NOS3: variants seen among roughly 807,000 people sequenced by gnomAD.
NOS3 encodes NOS type III.
NOS3 carries 98 observed loss-of-function variants against 144.9 expected under a neutral mutation model. The observed-to-expected ratio is 0.68, with a 90% CI of 0.57 to 0.80. The LOEUF (loss-of-function observed/expected upper bound fraction) is 0.80. Ranked by LOEUF, NOS3 falls within the 30% of genes least tolerant of loss-of-function variation. The pLI is 0.00. For missense variants in NOS3, 1,465 were observed against 1,656.4 expected, an observed-to-expected ratio of 0.88 and a Z score of 2.01; for synonymous variants, 714 against 702.4, an observed-to-expected ratio of 1.02 and a Z score of -0.26.
chr7:151,001,149 TG>T (rs1795083468), intron 10 of NOS3, 81 bp from the exon 11 acceptor site: 1 of 1,425,854 alleles, frequency 7.0e-7, no homozygotes, highest in East Asian at 2.3e-5. Flanking sequence ...ACATGTGGTT[TG>T]GGGTGACCGG....
In NOS3 at chr7:151,000,498, G is replaced by A. The variant is rs774633148; in HGVS notation, c.1132G>A (p.Asp378Asn). ...CDPHRYNILE[D>N]VAVCMDLDTR... ...GATGCCACACACCCTTCTGCCCCAG[G>A]ATGTGGCTGTCTGCATGGACCTGGA... Residue 378 changes from aspartate to asparagine, a missense_variant and splice_region_variant, in exon 10 of 27, where the codon GAT becomes AAT. Asp to Asn is a conservative substitution (Grantham distance 23, BLOSUM62 1). This residue lies in a region of NOS3 where 745 missense variants were observed against 853.9 expected (regional missense o/e 0.87). Coordinates refer to ENST00000297494, the MANE Select transcript of NOS3 (RefSeq NM_000603.5). The A allele has an allele frequency of 6.2e-7, 1 of 1,605,472 alleles. No homozygotes were observed.
rs775074008 is a variant in NOS3, at chr7:151,001,356, G to T, written c.1359G>T (p.Ser453=). 5 of 1,612,972 alleles carry T rather than the reference G, an allele frequency of 3.1e-6. No homozygotes were observed. The Admixed American group carries it at 8.3e-5, about 27-fold the overall frequency. ...ADWAWIVPPI[S]GSLTPVFHQE... ...GGGCCTGGATCGTGCCCCCCATCTC[G>T]GGCAGCCTCACTCCTGTTTTCCATC... The change falls in exon 11 of 27, where the codon TCG becomes TCT. Residue 453 remains serine (S), a synonymous_variant. Coordinates refer to ENST00000297494, the MANE Select transcript of NOS3 (RefSeq NM_000603.5).
In NOS3 at chr7:150,995,284, C is replaced by T. The variant is rs555547256; in HGVS notation, c.240C>T (p.Thr80=). Residue 80 remains threonine (T), a synonymous_variant, in exon 3 of 27, where the codon ACC becomes ACT. Transcript: ENST00000297494. ...AGAACTGGGAGGTGGGGAGCATCAC[C>T]TATGACACCCTCAGCGCCCAGGCGC... is the stretch of plus-strand genomic sequence containing the variant. ...RVKNWEVGSI[T]YDTLSAQAQQ... is the part of the protein sequence containing the mutation. 1 of 1,611,354 alleles carries T rather than the reference C, an allele frequency of 6.2e-7. No homozygotes were observed. Among genetic ancestry groups the T allele is most frequent in the Non-Finnish European group, 8.5e-7 (1 of 1,178,916 alleles).
In NOS3 at chr7:151,009,200, G is replaced by A. The variant is rs745744386; in HGVS notation, c.2257G>A (p.Val753Met). 11 of 1,613,132 alleles carry A rather than the reference G, an allele frequency of 6.8e-6. No individual in the cohort carries two copies. Among genetic ancestry groups the A allele is most frequent in the South Asian group, 1.1e-5 (1 of 91,034 alleles). The change falls in exon 19 of 27, where the codon GTG (valine) becomes ATG (methionine). Residue 753 changes from valine (V) to methionine (M), a missense_variant. By Grantham distance (21) the Val-to-Met change is conservative. Around this residue, in one of 5 missense-constraint regions of NOS3, gnomAD observed 745 missense variants for 853.9 expected, o/e 0.87. Coordinates refer to ENST00000297494, the MANE Select transcript of NOS3 (RefSeq NM_000603.5). ...CTCCCCGCCCCCAGGTCTGATCCAC[G>A]TGCACAGGCGGAAGATGTTCCAGGC... ...GLQLLPGLIH[V>M]HRRKMFQATI...
In NOS3 at chr7:150,993,921, C is replaced by A; in HGVS notation, c.118C>A (p.Arg40=). Residue 40 remains arginine (R), a synonymous_variant, in exon 2 of 27, where the codon CGG becomes AGG. Transcript: ENST00000297494. This position sits in a 1 kb window ranked among gnomAD's most constrained non-coding sequence, Gnocchi z 4.0. ...AGCCACCCCGGCCCCTGAGCCCAGC[C>A]GGGCCCCAGCATCCCTACTCCCACC... The part of the protein sequence containing the change: ...GPATPAPEPS[R]APASLLPPAP... 4 of 1,580,824 alleles carry A rather than the reference C, an allele frequency of 2.5e-6. No individual in the cohort carries two copies. The highest frequency in any genetic ancestry group is 3.4e-6 in the Non-Finnish European group (4 of 1,165,260).
At position 150,998,341 on chromosome 7, in the gene NOS3, G is replaced by T. The variant is rs751802200; in HGVS notation, c.583-16G>T. ...TCTCTCCTCACCCTCCTCTCCCGCT[G>T]CCTCGGCTGGCTCAGGTGTTCGATG... On this transcript the variant is annotated splice_polypyrimidine_tract_variant and intron_variant, in intron 5 of 26. Coordinates refer to ENST00000297494, the MANE Select transcript of NOS3 (RefSeq NM_000603.5). This position sits in a 1 kb window ranked among gnomAD's most constrained non-coding sequence, Gnocchi z 5.0. The T allele has an allele frequency of 9.9e-6, 16 of 1,608,690 alleles. No individual in the cohort carries two copies. The highest frequency in any genetic ancestry group is 1.4e-5 in the Non-Finnish European group (16 of 1,178,394).
rs1800780 is a variant in NOS3 at position 151,001,791 on chromosome 7, A to G, written c.1503-30A>G. 0.55 allele frequency: 885,405 copies of G among 1,612,372 alleles called. 244,508 individuals carry two copies. Among genetic ancestry groups the G allele is most frequent in the Admixed American group, 0.67 (39,888 of 59,976 alleles). ...GGGGAGGCCCTGCCTCTGTGCACCC[A>G]GGACACCCTCACACCTTCCTCTCCC... On this transcript the variant is annotated intron_variant, in intron 12 of 26. Coordinates refer to ENST00000297494, the MANE Select transcript of NOS3 (RefSeq NM_000603.5).
Position 151,012,488 on chromosome 7 carries a change from A to G in NOS3, c.3106+16A>G. On this transcript the variant is annotated intron_variant, in intron 24 of 26. Transcript: ENST00000297494. ...GAGAGCAAAGGTGAGGCTGGGGACT[A>G]AAGGACTGCCTGAAGGGAGTCACAC... 6.2e-7 allele frequency: 1 copy of G among 1,609,690 alleles called. No homozygotes were observed. The highest frequency in any genetic ancestry group is 8.5e-7 in the Non-Finnish European group (1 of 1,177,398).
chr7:150,999,102 T>C lies in NOS3; in HGVS notation c.956+17T>C, dbSNP rs1487836534. The C allele has an allele frequency of 6.8e-6, 11 of 1,612,316 alleles. No individual in the cohort carries two copies. The highest frequency in any genetic ancestry group is 2.2e-5 in the East Asian group (1 of 44,862). ...GCACCCCACGTGAGCACCAAAGGGA[T>C]TGACTGGGTGGGATGGAGGGGGCCA... On this transcript the variant is annotated intron_variant, in intron 8 of 26. Coordinates refer to ENST00000297494, the MANE Select transcript of NOS3 (RefSeq NM_000603.5).
At chr7:151,013,596 G>C (rs3918209) in intron 25 of NOS3, 128 bp from the exon 26 acceptor site, 2 of 437,506 alleles carry the variant, frequency 4.6e-6, no homozygotes, top group South Asian at 3.4e-5. Context: ...TGTTGACACC[G>C]CCCCAGGGCA....
chr7:150,998,891 C>T lies in NOS3; in HGVS notation c.817-55C>T, dbSNP rs541931774. ...GCAGGAGACAGTGGATGGAGGGGTC[C>T]CTGAGGAGGGCATGAGGCTCAGCCC... On this transcript the variant is annotated intron_variant, in intron 7 of 26. Transcript: ENST00000297494. This position sits in a 1 kb window ranked among gnomAD's most constrained non-coding sequence, Gnocchi z 5.0. The T allele has an allele frequency of 5.7e-6, 9 of 1,570,092 alleles. No individual in the cohort carries two copies. In the South Asian group the frequency reaches 1.1e-4, roughly 18 times the overall value.
At chr7:151,006,360 G>C (rs1670477312) in intron 14 of NOS3, 67 bp from the exon 15 acceptor site, 1 of 1,143,054 alleles carries the variant, frequency 8.7e-7, no homozygotes, top group Admixed American at 1.9e-5. Context: ...AGCTGGTACA[G>C]TTTTAAACTT....
rs370755105 is a variant in NOS3, at chr7:151,001,920, C to T, written c.1602C>T (p.Tyr534=). 386 of 1,613,454 alleles carry T rather than the reference C, an allele frequency of 2.4e-4. No homozygotes were observed. The Middle Eastern group carries it at 4.3e-3, about 18-fold the overall frequency. The change falls in exon 13 of 27, where the codon TAC becomes TAT. Residue 534 remains tyrosine, a synonymous_variant. Coordinates refer to ENST00000297494, the MANE Select transcript of NOS3 (RefSeq NM_000603.5). ...CCGAGACCGGCCGGGCCCAGAGCTA[C>T]GCACAGCAGCTGGGGAGACTCTTCC... is the stretch of plus-strand genomic sequence containing the variant. ...YGSETGRAQS[Y]AQQLGRLFRK...
intron 21 of NOS3, 75 bp from the exon 22 acceptor site, chr7:151,010,522 T>A: frequency 1.4e-6 from 2 of 1,395,024 alleles, no homozygotes; most frequent in Non-Finnish European, 1.9e-6. Context: ...AGAGGCTCAG[T>A]GGGGGAGGGG....
At position 151,012,235 on chromosome 7, in the gene NOS3, T is replaced by A. The variant is rs113827615; in HGVS notation, c.2985-116T>A. On this transcript the variant is annotated intron_variant, in intron 23 of 26. Coordinates refer to ENST00000297494, the MANE Select transcript of NOS3 (RefSeq NM_000603.5). ...TGTTTTTTGTTTTTTGTTTTTTTTTTAATTTTTTTTTGAGATGGGAAGAAC... is the reference window on the plus strand; with the variant it reads ...TGTTTTTTGTTTTTTGTTTTTTTTTAAATTTTTTTTTGAGATGGGAAGAAC... The A allele has an allele frequency of 1.6e-3, 1,473 of 934,564 alleles. 12 individuals carry two copies. In the African/African-American group the frequency reaches 0.021, roughly 13 times the overall value. The allele number at this position is 934,564 out of a possible 1,614,324, so 57.9% of individuals were successfully genotyped here. A position where few individuals can be genotyped will look rare whatever the true frequency, so the allele number is the denominator to read the frequency against.
In NOS3 at chr7:151,010,578, C is replaced by T. The variant is rs1317930042; in HGVS notation, c.2686-19C>T. 1 of 1,547,500 alleles carries T rather than the reference C, an allele frequency of 6.5e-7. No homozygotes were observed. Among genetic ancestry groups the T allele is most frequent in the Non-Finnish European group, 8.7e-7 (1 of 1,144,962 alleles). On this transcript the variant is annotated intron_variant, in intron 21 of 26. Coordinates refer to ENST00000297494, the MANE Select transcript of NOS3 (RefSeq NM_000603.5). ...GAAGGGCTATGGGGCCTCCAACCCA[C>T]TGCATCCTGCCCCGCCAGGATCCCC... is the stretch of plus-strand genomic sequence containing the variant.
In NOS3 at chr7:151,006,092, T is replaced by C. The variant is rs550134445; in HGVS notation, c.1753-335T>C. ...AGGGATGTCTGCAATAAATTATTGATTAAAACCAAGGAAGTACAGTATGGT... is the reference window on the plus strand; with the variant it reads ...AGGGATGTCTGCAATAAATTATTGACTAAAACCAAGGAAGTACAGTATGGT... On this transcript the variant is annotated intron_variant, in intron 14 of 26. Coordinates refer to ENST00000297494, the MANE Select transcript of NOS3 (RefSeq NM_000603.5). Among the ~76,000 whole-genome samples the C allele has an allele frequency of 1.2e-3, 188 of 152,158 alleles. 1 individual carries two copies. Among genetic ancestry groups the C allele is most frequent in the African/African-American group, 4.5e-3 (188 of 41,492 alleles).
rs1334046244 is a variant in NOS3 at position 151,010,001 on chromosome 7, C to T, written c.2513-114C>T. 22 of 702,326 alleles carry T rather than the reference C, an allele frequency of 3.1e-5. No homozygotes were observed. The Admixed American group carries it at 4.3e-4, about 14-fold the overall frequency. 43.5% of individuals were successfully genotyped at this position (702,326 alleles called of 1,614,324 possible). ...ATACACTGAGGCTACCTAGACAGGC[C>T]GACCCCGCTGCTCAAGGGCAGGCTC... On this transcript the variant is annotated intron_variant, in intron 20 of 26. Coordinates refer to ENST00000297494, the MANE Select transcript of NOS3 (RefSeq NM_000603.5).
At position 151,003,131 on chromosome 7, in the gene NOS3, TC is replaced by T; in HGVS notation, c.1752+828del. 2.2e-6 allele frequency: 1 copy of T among 453,252 alleles called. No individual in the cohort carries two copies. The highest frequency in any genetic ancestry group is 1.6e-5 in the South Asian group (1 of 64,224). The allele number at this position is 453,252 out of a possible 1,614,324, so 28.1% of individuals were successfully genotyped here. On this transcript the variant is annotated intron_variant, in intron 14 of 26. Coordinates refer to ENST00000297494, the MANE Select transcript of NOS3 (RefSeq NM_000603.5). The surrounding 1 kb of genome is among the most constrained non-coding windows in gnomAD (Gnocchi z 4.1). ...TAAGTACTTCCTCAGTACTCTTTTT[TC>T]TTTTTTCCTTTGAGACAGGGTCTCA...
Sources: gnomAD v4.1 joint callset for allele counts (sites outside exome capture counted in the v4.1 genomes callset) on GRCh38, gnomAD v4.1.1 for gene constraint, gnomAD v4.1.1 regional missense constraint, Gnocchi (gnomAD v3.1) non-coding constraint, MANE v1.5 for transcripts, NCBI Gene and HGNC (gene_info 2026-07-23, HGNC 2026-07-21) for gene names.